FHIT: variants seen among roughly 807,000 people sequenced by gnomAD.
FHIT encodes the protein bis(5'-adenosyl)-triphosphatase.
Under a neutral mutation model 17.9 loss-of-function variants are expected in FHIT, and 19 were observed. The ratio of observed to expected loss-of-function variants is 1.06; its 90% CI spans 0.74 to 1.56. The LOEUF is 1.56. Among genes scored for constraint, FHIT ranks in the 40% most tolerant of loss-of-function variants. The pLI, the probability that FHIT is intolerant of heterozygous loss-of-function variation, is 0.00. For synonymous variants in FHIT, 81 were observed against 69.7 expected, an observed-to-expected ratio of 1.16 and a Z score of -0.81; for missense variants, 248 against 189.2, an observed-to-expected ratio of 1.31 and a Z score of -1.82.
At chr3:60,166,925 C>A (rs1701202507) in intron 5 of FHIT, among the ~76,000 whole-genome samples, 1 of 152,134 alleles carries the variant, frequency 6.6e-6, no homozygotes, top group Non-Finnish European at 1.5e-5. Context: ...GATAGGGCAG[C>A]TTGACCTTAT....
At chr3:61,203,037 G>A (rs1243480580) in intron 1 of FHIT, among the ~76,000 whole-genome samples, 29 of 152,034 alleles carry the variant, frequency 1.9e-4, no homozygotes, top group Admixed American at 1.4e-3. Flanking sequence ...AAAATTAGAT[G>A]GGTGTGGTAC....
At chr3:60,099,250 C>T (rs1704092901) in intron 5 of FHIT, among the ~76,000 whole-genome samples, 1 of 152,138 alleles carries the variant, frequency 6.6e-6, no homozygotes, top group African/African-American at 2.4e-5. Context: ...TATCCATCTA[C>T]CAACCAAGAA....
chr3:60,416,466 CATG>C (rs1702252139), intron 5 of FHIT, among the ~76,000 whole-genome samples: 1 of 152,162 alleles, frequency 6.6e-6, no homozygotes, highest in South Asian at 2.1e-4. Context: ...TACAGTCTGT[CATG>C]ATAACTCAAG....
chr3:60,058,091 G>A (rs941781673), intron 5 of FHIT, among the ~76,000 whole-genome samples: 6 of 150,238 alleles, frequency 4.0e-5, no homozygotes, highest in African/African-American at 7.3e-5. Flanking sequence ...AAAGTAGTCC[G>A]GGGAATAGGG....
intron 4 of FHIT, among the ~76,000 whole-genome samples, chr3:60,657,461 C>G (rs1006802679): frequency 1.3e-5 from 2 of 152,118 alleles, no homozygotes; most frequent in Admixed American, 6.5e-5. Flanking sequence ...CCTTTGATTT[C>G]TCATTTTGCA....
chr3:60,992,463 C>T (rs2030318931), intron 3 of FHIT, among the ~76,000 whole-genome samples: 1 of 152,168 alleles, frequency 6.6e-6, no homozygotes, highest in Non-Finnish European at 1.5e-5. Context: ...CAAATGGTGA[C>T]TGCTCTCTTC....
chr3:59,969,041 G>C (rs1708061218), intron 7 of FHIT, among the ~76,000 whole-genome samples: 1 of 152,148 alleles, frequency 6.6e-6, no homozygotes, highest in South Asian at 2.1e-4. Flanking sequence ...GAAGAGGTCA[G>C]CTAGGTCATG....
chr3:60,287,512 CAT>C (rs1167477835), intron 5 of FHIT, among the ~76,000 whole-genome samples: 2 of 152,170 alleles, frequency 1.3e-5, no homozygotes, highest in South Asian at 4.1e-4. Flanking sequence ...GAGAGTACTA[CAT>C]ATATGACAGT....
chr3:60,358,962 G>A (rs1699785670), intron 5 of FHIT, among the ~76,000 whole-genome samples: 1 of 152,170 alleles, frequency 6.6e-6, no homozygotes, highest in African/African-American at 2.4e-5. Flanking sequence ...TTTGTCTATA[G>A]GAGGTGTTGA....
chr3:59,998,253 T>C (rs749433799), intron 7 of FHIT, among the ~76,000 whole-genome samples: 4 of 152,156 alleles, frequency 2.6e-5, no homozygotes, highest in Non-Finnish European at 5.9e-5. Context: ...CAGTGGCTAA[T>C]GGATGATGCA....
intron 3 of FHIT, among the ~76,000 whole-genome samples, chr3:60,944,009 T>C (rs1383993700): frequency 6.6e-6 from 1 of 152,170 alleles, no homozygotes; most frequent in Non-Finnish European, 1.5e-5. Context: ...TCTTCTACCT[T>C]TCTTCTTCCC....
chr3:60,185,232 T>C (rs887871911), intron 5 of FHIT, among the ~76,000 whole-genome samples: 3 of 152,084 alleles, frequency 2.0e-5, no homozygotes, highest in Non-Finnish European at 4.4e-5. Context: ...CAGCGTCAAA[T>C]TGAATAGTTT....
At chr3:61,045,036 C>G (rs2033715499) in intron 2 of FHIT, among the ~76,000 whole-genome samples, 1 of 152,132 alleles carries the variant, frequency 6.6e-6, no homozygotes, top group East Asian at 1.9e-4. Flanking sequence ...ACATGCCACA[C>G]TATAAAGACC....
At position 61,212,335 on chromosome 3, in the gene FHIT, A is replaced by C. The variant is rs373683579; in HGVS notation, c.-212-11670T>G. On this transcript the variant is annotated intron_variant, in intron 1 of 9. Coordinates refer to ENST00000492590, the MANE Select transcript of FHIT (RefSeq NM_002012.4). ...AGCTGATGGAGCTGAAAGCCAAGGC[A>C]CGAGAACTACGTGAAGAATGCAGAA... Among the ~76,000 whole-genome samples the C allele has an allele frequency of 3.9e-5, 6 of 152,348 alleles. No homozygotes were observed. In the East Asian group the frequency reaches 9.6e-4, roughly 24 times the overall value.
intron 3 of FHIT, among the ~76,000 whole-genome samples, chr3:61,014,912 A>G (rs1392203462): frequency 1.3e-5 from 2 of 149,662 alleles, no homozygotes; most frequent in Non-Finnish European, 3.0e-5. Context: ...ATACATATAT[A>G]TATGTGTACA....
In FHIT at chr3:61,017,973, C is replaced by A. The variant is rs1477262007; in HGVS notation, c.-111+24074G>T. On this transcript the variant is annotated intron_variant, in intron 3 of 9. Coordinates refer to ENST00000492590, the MANE Select transcript of FHIT (RefSeq NM_002012.4). ...ACGAGAGGAGTCAATAGTGACAGCACTACTGAAATTCAAAAATAGGACTTG... is the reference window on the plus strand; with the variant it reads ...ACGAGAGGAGTCAATAGTGACAGCAATACTGAAATTCAAAAATAGGACTTG... 3.9e-5 allele frequency among the ~76,000 whole-genome samples: 6 copies of A among 152,106 alleles called. No homozygotes were observed. The East Asian group carries it at 1.2e-3, about 29-fold the overall frequency.
intron 4 of FHIT, among the ~76,000 whole-genome samples, chr3:60,601,699 A>G (rs2038450410): frequency 6.6e-6 from 1 of 152,226 alleles, no homozygotes; most frequent in African/African-American, 2.4e-5. Flanking sequence ...ACAGAATGTA[A>G]AAGACAGATG....
chr3:61,200,651 T>G lies in FHIT; in HGVS notation c.-198A>C, dbSNP rs917812028. The G allele has an allele frequency of 6.6e-6, 1 of 152,632 alleles. No individual in the cohort carries two copies. The highest frequency in any genetic ancestry group is 1.5e-5 in the Non-Finnish European group (1 of 68,036). 9.5% of individuals were successfully genotyped at this position (152,632 alleles called of 1,614,324 possible). ...CTGTTCTCAGTGGATTTCTCTTCTT[T>G]CCTGAGCTTCAAAGCTACAAAGACA... On this transcript the variant is annotated 5_prime_UTR_variant, in exon 2 of 10. Transcript: ENST00000492590.
intron 3 of FHIT, among the ~76,000 whole-genome samples, chr3:60,971,726 T>C (rs991034283): frequency 6.6e-6 from 1 of 152,220 alleles, no homozygotes; most frequent in Admixed American, 6.5e-5. Flanking sequence ...GATTACCTCA[T>C]GGCTAGTGGT....
Sources: gnomAD v4.1 joint callset for allele counts (sites outside exome capture counted in the v4.1 genomes callset) on GRCh38, gnomAD v4.1.1 for gene constraint, MANE v1.5 for transcripts, NCBI Gene and HGNC (gene_info 2026-07-23, HGNC 2026-07-21) for gene names.